MACROD2: variants seen among roughly 807,000 people sequenced by gnomAD.
MACROD2 encodes the protein mono-ADP ribosylhydrolase 2.
MACROD2 carries 36 observed loss-of-function variants against 70.4 expected under a neutral mutation model. The ratio of observed to expected loss-of-function variants is 0.51; its 90% confidence interval spans 0.39 to 0.68. The LOEUF (loss-of-function observed/expected upper bound fraction) is 0.68, where lower values mean the gene tolerates loss of function less well. MACROD2 is among the 30% of genes least tolerant of loss of function. MACROD2 has a pLI of 0.00. For missense variants in MACROD2, 496 were observed against 538.4 expected (o/e 0.92, Z 0.78); for synonymous variants, 172 against 178.8 (o/e 0.96, Z 0.30).
intron 4 of MACROD2, among the ~76,000 whole-genome samples, chr20:14,652,805 A>C (rs902102203): frequency 5.3e-5 from 8 of 152,212 alleles, no homozygotes; most frequent in Non-Finnish European, 1.2e-4. Context: ...AATTTTCTTC[A>C]GTCCCAATAG....
chr20:15,602,233 A>C (rs1046532370), intron 8 of MACROD2, among the ~76,000 whole-genome samples: 1 of 152,132 alleles, frequency 6.6e-6, no homozygotes, highest in African/African-American at 2.4e-5. Flanking sequence ...TTGTATCCGC[A>C]TTCTAGGTGG....
At chr20:15,624,073 G>A (rs1322569561) in intron 8 of MACROD2, among the ~76,000 whole-genome samples, 4 of 152,196 alleles carry the variant, frequency 2.6e-5, no homozygotes, top group Non-Finnish European at 5.9e-5. Flanking sequence ...GAAGCCAACA[G>A]TGCAGCCTTC....
chr20:14,039,206 G>C (rs1043689103), intron 2 of MACROD2, among the ~76,000 whole-genome samples: 3 of 152,062 alleles, frequency 2.0e-5, no homozygotes, highest in African/African-American at 7.2e-5. Flanking sequence ...AAGAAGCAAA[G>C]AATTTCACAT....
At chr20:15,441,838 G>A (rs140121327) in intron 7 of MACROD2, among the ~76,000 whole-genome samples, 19 of 152,140 alleles carry the variant, frequency 1.2e-4, no homozygotes, top group East Asian at 3.9e-4. Context: ...CTGAATAGAC[G>A]AAACATTGAA....
chr20:14,172,148 A>ATAGG (rs2081226681), intron 3 of MACROD2, among the ~76,000 whole-genome samples: 1 of 152,118 alleles, frequency 6.6e-6, no homozygotes, highest in Admixed American at 6.5e-5. Context: ...TGATATAGGA[A>ATAGG]TAGGTACTCC....
chr20:15,407,805 T>G (rs1055260871), intron 6 of MACROD2, among the ~76,000 whole-genome samples: 14 of 152,200 alleles, frequency 9.2e-5, no homozygotes, highest in Admixed American at 2.6e-4. Flanking sequence ...TAAGGTCAGG[T>G]GTAGTTACTA....
chr20:14,776,460 A>G (rs750368484), intron 5 of MACROD2, among the ~76,000 whole-genome samples: 1 of 152,022 alleles, frequency 6.6e-6, no homozygotes, highest in African/African-American at 2.4e-5. Context: ...CACAATAATG[A>G]CAATAATTAT....
chr20:14,322,782 A>G (rs1411938018), intron 3 of MACROD2, among the ~76,000 whole-genome samples: 1 of 152,158 alleles, frequency 6.6e-6, no homozygotes, highest in Admixed American at 6.6e-5. Flanking sequence ...TAATAATAGT[A>G]GTAACTTGTA....
intron 5 of MACROD2, among the ~76,000 whole-genome samples, chr20:14,794,824 CA>C (rs2072492398): frequency 6.6e-6 from 1 of 151,760 alleles, no homozygotes; most frequent in African/African-American, 2.4e-5. Context: ...CTAGTGGAGA[CA>C]AGTAGAAAAA....
chr20:15,910,774 A>C (rs2236008), intron 10 of MACROD2, among the ~76,000 whole-genome samples: 95,014 of 152,038 alleles, frequency 0.62, 32,455 homozygotes, highest in Non-Finnish European at 0.77. Context: ...ACCACAAGCA[A>C]CCTACCACAT....
intron 8 of MACROD2, among the ~76,000 whole-genome samples, chr20:15,784,497 C>T (rs763577134): frequency 1.3e-5 from 2 of 152,080 alleles, no homozygotes; most frequent in Non-Finnish European, 2.9e-5. Context: ...CACTTGAAAA[C>T]ATTACTCATT....
intron 5 of MACROD2, among the ~76,000 whole-genome samples, chr20:14,848,218 A>G (rs1158310463): frequency 6.6e-6 from 1 of 152,160 alleles, no homozygotes; most frequent in Non-Finnish European, 1.5e-5. Context: ...GTACTCATTC[A>G]CTTACTGGAC....
chr20:15,539,432 G>A (rs2047924197), intron 8 of MACROD2, among the ~76,000 whole-genome samples: 1 of 152,206 alleles, frequency 6.6e-6, no homozygotes, highest in Admixed American at 6.5e-5. Flanking sequence ...CAAGAATGCA[G>A]TGATATTGAA....
At chr20:14,230,124 C>T (rs1446133919) in intron 3 of MACROD2, among the ~76,000 whole-genome samples, 1 of 152,110 alleles carries the variant, frequency 6.6e-6, no homozygotes, top group African/African-American at 2.4e-5. Context: ...GGTCTTGGCT[C>T]ATTGTTGATC....
intron 8 of MACROD2, among the ~76,000 whole-genome samples, chr20:15,544,601 T>TTG (rs2048002669): frequency 6.6e-6 from 1 of 152,204 alleles, no homozygotes; most frequent in Non-Finnish European, 1.5e-5. Flanking sequence ...ACTACATCCA[T>TTG]ACAGTGCTGG....
At chr20:15,034,152 C>T (rs761856325) in intron 5 of MACROD2, among the ~76,000 whole-genome samples, 15 of 152,238 alleles carry the variant, frequency 9.9e-5, no homozygotes, top group Middle Eastern at 3.4e-3. Context: ...AAATAAATGA[C>T]GCCAAGTGAG....
At chr20:15,847,889 T>C (rs1388282601) in intron 8 of MACROD2, among the ~76,000 whole-genome samples, 1 of 108,658 alleles carries the variant, frequency 9.2e-6, no homozygotes, top group Non-Finnish European at 2.5e-5. Flanking sequence ...TTCATTTTGC[T>C]TAAAAGGGAA....
intron 8 of MACROD2, among the ~76,000 whole-genome samples, chr20:15,616,264 C>T (rs918972737): frequency 1.8e-4 from 28 of 151,888 alleles, no homozygotes; most frequent in Non-Finnish European, 4.0e-4. Flanking sequence ...CCACGACACC[C>T]AGCTAATTTT....
intron 12 of MACROD2, among the ~76,000 whole-genome samples, chr20:15,945,051 T>C (rs548456109): frequency 2.0e-5 from 3 of 152,302 alleles, no homozygotes; most frequent in African/African-American, 7.2e-5. Flanking sequence ...AGCTGTGTGA[T>C]CTTTCGCAAA....
Sources: gnomAD v4.1 joint callset for allele counts (sites outside exome capture counted in the v4.1 genomes callset) on GRCh38, gnomAD v4.1.1 for gene constraint, MANE v1.5 for transcripts, NCBI Gene and HGNC (gene_info 2026-07-23, HGNC 2026-07-21) for gene names.